Variants in CFAP54 observed in about 807,000 individuals in gnomAD.
CFAP54 encodes the protein cilia- and flagella-associated protein 54.
In CFAP54, 290 loss-of-function variants were observed where a neutral mutation model predicts 370.4. That is an observed-to-expected ratio of 0.78 (90% CI 0.71 to 0.86). The LOEUF is 0.86. Among genes scored for constraint, CFAP54 ranks in the 40% least tolerant of loss-of-function variants. The probability of loss-of-function intolerance (pLI) is 0.00; values close to 1 mark genes in which losing one functional copy is unlikely to be tolerated. For synonymous variants in CFAP54, 1,206 were observed against 1,236.5 expected (o/e 0.98, Z 0.52); for missense variants, 3,399 against 3,528.7 (o/e 0.96, Z 0.93).
chr12:96,779,598 T>A (rs111322294), intron 60 of CFAP54, among the ~76,000 whole-genome samples: 2 of 149,186 alleles, frequency 1.3e-5, no homozygotes, highest in South Asian at 4.2e-4. Flanking sequence ...TAATTGCAAT[T>A]AAGATTTCAC....
chr12:96,692,883 C>T (rs185058248), intron 44 of CFAP54, among the ~76,000 whole-genome samples: 1 of 152,314 alleles, frequency 6.6e-6, no homozygotes, highest in Admixed American at 6.5e-5. Flanking sequence ...CCCTTCCACT[C>T]CATCTTCCTT....
At chr12:96,814,435 A>T (rs542048938) in intron 64 of CFAP54, among the ~76,000 whole-genome samples, 193 of 152,348 alleles carry the variant, frequency 1.3e-3, no homozygotes, top group Middle Eastern at 3.4e-3. Context: ...TTTCATGGCT[A>T]GAGTTTGAAG....
intron 56 of CFAP54, 41 bp from the exon 57 acceptor site, chr12:96,756,417 G>T: frequency 8.1e-7 from 1 of 1,240,854 alleles, no homozygotes; most frequent in Non-Finnish European, 1.1e-6. Flanking sequence ...CTAAGTGCTA[G>T]AAAAAGGAAA....
At chr12:96,542,708 A>G (rs1955590130) in intron 14 of CFAP54, among the ~76,000 whole-genome samples, 1 of 152,214 alleles carries the variant, frequency 6.6e-6, no homozygotes, top group African/African-American at 2.4e-5. Context: ...TTCAAAACAT[A>G]AAACCACAGT....
intron 54 of CFAP54, 44 bp from the exon 55 acceptor site, chr12:96,743,976 C>T: frequency 6.2e-7 from 1 of 1,602,382 alleles, no homozygotes; most frequent in African/African-American, 1.3e-5. Context: ...CTATTCCAAA[C>T]CACGTCAACT....
chr12:96,619,289 C>T (rs1274867132), intron 26 of CFAP54, among the ~76,000 whole-genome samples: 1 of 152,236 alleles, frequency 6.6e-6, no homozygotes, highest in Non-Finnish European at 1.5e-5. Context: ...GTCTAGCCTA[C>T]AGTTCCAGGA....
At chr12:96,815,385 A>G (rs928090759) in intron 64 of CFAP54, among the ~76,000 whole-genome samples, 25 of 135,278 alleles carry the variant, frequency 1.8e-4, no homozygotes, top group African/African-American at 7.1e-4. Flanking sequence ...TCCTTTGCCT[A>G]CTCTTTGATG....
At chr12:96,582,744 T>C (rs1312153856) in intron 22 of CFAP54, among the ~76,000 whole-genome samples, 2 of 152,160 alleles carry the variant, frequency 1.3e-5, no homozygotes, top group African/African-American at 4.8e-5. Context: ...GCTGGGATAA[T>C]GAGTAGTGTC....
In CFAP54 at chr12:96,817,759, T is replaced by C. The variant is rs1958993644; in HGVS notation, c.8958-16T>C. On this transcript the variant is annotated splice_polypyrimidine_tract_variant and intron_variant, in intron 64 of 67. Transcript: ENST00000524981. ...TAACTCTTCAAATAAAATACATATA[T>C]ATTTGTTATTTTCAGGGTTATTGCA... 2.8e-6 allele frequency: 4 copies of C among 1,419,572 alleles called. No homozygotes were observed. Among genetic ancestry groups the C allele is most frequent in the Admixed American group, 5.0e-5 (2 of 39,764 alleles). The allele number at this position is 1,419,572 out of a possible 1,614,324, so 87.9% of individuals were successfully genotyped here.
At position 96,576,630 on chromosome 12, in the gene CFAP54, CTA is replaced by C. The variant is rs1446749782; in HGVS notation, c.2669_2670del (p.Tyr890PhefsTer42). ...GAGGATTGAAGCTGAACAAAATGCC[CTA>C]TATTCCTATCAGAAATATTTGGAAA... ...IQRIEAEQNA[L>X]YSYQKYLESS... On this transcript the variant is annotated frameshift_variant, in exon 20 of 68. Transcript: ENST00000524981. LOFTEE classifies it high-confidence loss of function. The C allele has an allele frequency of 5.2e-6, 8 of 1,534,532 alleles. No individual in the cohort carries two copies. Among genetic ancestry groups the C allele is most frequent in the Non-Finnish European group, 7.0e-6 (8 of 1,145,834 alleles).
intron 4 of CFAP54, among the ~76,000 whole-genome samples, chr12:96,507,548 CACACACACACAT>C (rs942971859): frequency 4.2e-5 from 6 of 142,942 alleles, no homozygotes; most frequent in Non-Finnish European, 9.5e-5. Context: ...CACACACACA[CACACACACACAT>C]ACACACACAC....
chr12:96,774,983 C>A (rs987604993), intron 60 of CFAP54, among the ~76,000 whole-genome samples: 2 of 152,112 alleles, frequency 1.3e-5, no homozygotes, highest in South Asian at 2.1e-4. Flanking sequence ...GTTGAAGTCA[C>A]CAAATATTTT....
intron 32 of CFAP54, among the ~76,000 whole-genome samples, chr12:96,640,179 C>A (rs1592900474): frequency 6.6e-6 from 1 of 152,088 alleles, no homozygotes; most frequent in South Asian, 2.1e-4. Context: ...TCTAGAAAAC[C>A]CCATTGTCTC....
chr12:96,693,985 T>C (rs1957414588), intron 45 of CFAP54, among the ~76,000 whole-genome samples, 177 bp downstream of exon 45: 1 of 152,038 alleles, frequency 6.6e-6, no homozygotes, highest in Non-Finnish European at 1.5e-5. Flanking sequence ...GTCAGAAAGG[T>C]GTAGATTATT....
chr12:96,647,491 A>AAAAAAAC, intron 33 of CFAP54, among the ~76,000 whole-genome samples: 1 of 149,208 alleles, frequency 6.7e-6, no homozygotes. Context: ...AAAAAAAAAA[A>AAAAAAAC]AAAAAGAAAT....
intron 4 of CFAP54, among the ~76,000 whole-genome samples, chr12:96,512,338 T>TAA (rs1213588187): frequency 2.5e-5 from 1 of 39,390 alleles, no homozygotes; most frequent in East Asian, 4.7e-4. Flanking sequence ...TATATATATA[T>TAA]ATATATATAT....
intron 39 of CFAP54, among the ~76,000 whole-genome samples, chr12:96,674,208 G>A (rs180679075): frequency 3.3e-4 from 51 of 152,298 alleles, no homozygotes; most frequent in Admixed American, 7.2e-4. Flanking sequence ...ATGTGGCCTC[G>A]AGTGTAGGAA....
At chr12:96,870,263 G>T (rs1261006287) in intron 67 of CFAP54, among the ~76,000 whole-genome samples, 1 of 129,930 alleles carries the variant, frequency 7.7e-6, no homozygotes, top group African/African-American at 2.8e-5. Context: ...CCATCTCAAA[G>T]AAAAAAAAAA....
intron 60 of CFAP54, among the ~76,000 whole-genome samples, chr12:96,771,658 A>G (rs1958464122): frequency 6.6e-6 from 1 of 152,114 alleles, no homozygotes; most frequent in South Asian, 2.1e-4. Context: ...CCTCAAAAAC[A>G]AAAAACAAAC....
Sources: allele counts gnomAD v4.1 joint callset (sites outside exome capture counted in the v4.1 genomes callset), GRCh38; gene constraint gnomAD v4.1.1; transcripts MANE v1.5; gene names NCBI Gene and HGNC (gene_info 2026-07-23, HGNC 2026-07-21).